Variants in OSBPL6 observed in about 807,000 individuals in gnomAD.
OSBPL6 encodes the protein oxysterol binding protein like 6.
In OSBPL6, 49 loss-of-function variants were observed where a neutral mutation model predicts 125.8. The ratio of observed to expected loss-of-function variants is 0.39; its 90% CI spans 0.31 to 0.49. The LOEUF (loss-of-function observed/expected upper bound fraction) is 0.49. Among genes scored for constraint, OSBPL6 ranks in the 20% least tolerant of loss-of-function variants. The pLI, the probability that OSBPL6 is intolerant of heterozygous loss-of-function variation, is 0.88. For missense variants in OSBPL6, 986 were observed against 1,135.4 expected, an observed-to-expected ratio of 0.87 and a Z score of 1.89; for synonymous variants, 394 against 391.8, an observed-to-expected ratio of 1.01 and a Z score of -0.07.
At chr2:178,354,125 C>A (rs953072595) in intron 12 of OSBPL6, among the ~76,000 whole-genome samples, 3 of 152,124 alleles carry the variant, frequency 2.0e-5, no homozygotes, top group Non-Finnish European at 1.5e-5. Context: ...CCAGCCACTG[C>A]GAAAACATGC....
chr2:178,386,408 A>G lies in OSBPL6; in HGVS notation c.2078-653A>G, dbSNP rs189095248. ...GTGCTGGGCCCTGGTCTATATCTTA[A>G]CAACCAGTATAAAAACATTCATTAA... On this transcript the variant is annotated intron_variant, in intron 19 of 24. Coordinates refer to ENST00000190611, the MANE Select transcript of OSBPL6 (RefSeq NM_032523.4). Among the ~76,000 whole-genome samples, 371 of 152,338 alleles carry G rather than the reference A, an allele frequency of 2.4e-3. 1 individual carries two copies. Among genetic ancestry groups the G allele is most frequent in the East Asian group, 4.4e-3 (23 of 5,186 alleles).
chr2:178,291,564 G>A lies in OSBPL6; in HGVS notation c.-156+6443G>A, dbSNP rs147127847. ...GTTTTGGAATGGTTTTCTCTTCTTT[G>A]GTTTGTCAAGTGACCAAGTGCATTG... On this transcript the variant is annotated intron_variant, in intron 2 of 24. Coordinates refer to ENST00000190611, the MANE Select transcript of OSBPL6 (RefSeq NM_032523.4). 7.9e-5 allele frequency among the ~76,000 whole-genome samples: 12 copies of A among 152,086 alleles called. No homozygotes were observed. In the East Asian group the frequency reaches 2.3e-3, roughly 29 times the overall value.
chr2:178,263,287 T>A (rs2092121068), intron 1 of OSBPL6, among the ~76,000 whole-genome samples: 1 of 152,204 alleles, frequency 6.6e-6, no homozygotes, highest in African/African-American at 2.4e-5. Context: ...AAGACTAGCC[T>A]GACGGACATG....
At chr2:178,330,128 GTGTTTCCC>G (rs1689070929) in intron 5 of OSBPL6, among the ~76,000 whole-genome samples, 4 of 152,034 alleles carry the variant, frequency 2.6e-5, no homozygotes, top group Non-Finnish European at 5.9e-5. Flanking sequence ...TTCATCCTTT[GTGTTTCCC>G]CAAATTGATG....
intron 15 of OSBPL6, among the ~76,000 whole-genome samples, chr2:178,377,809 C>T (rs1310594560): frequency 1.3e-5 from 2 of 152,118 alleles, no homozygotes; most frequent in East Asian, 1.9e-4. Context: ...CCATTTCTTC[C>T]TTTCCTCTGA....
intron 1 of OSBPL6, among the ~76,000 whole-genome samples, chr2:178,199,429 G>A (rs1251744412): frequency 6.6e-6 from 1 of 152,100 alleles, no homozygotes; most frequent in African/African-American, 2.4e-5. Context: ...GTGTTTTTCT[G>A]GGTCTTTCTA....
At chr2:178,227,822 C>T (rs2090625412) in intron 1 of OSBPL6, among the ~76,000 whole-genome samples, 1 of 152,054 alleles carries the variant, frequency 6.6e-6, no homozygotes, top group Non-Finnish European at 1.5e-5. Flanking sequence ...GTATGGGGTT[C>T]AAGATGGTTG....
intron 10 of OSBPL6, among the ~76,000 whole-genome samples, 178 bp downstream of exon 10, chr2:178,339,272 G>T (rs567718663): frequency 2.8e-5 from 4 of 145,166 alleles, no homozygotes; most frequent in Non-Finnish European, 6.0e-5. Flanking sequence ...GTGTTAAGAT[G>T]ATTATTTTAA....
chr2:178,245,207 T>C (rs1021084594), intron 1 of OSBPL6, among the ~76,000 whole-genome samples: 2 of 152,228 alleles, frequency 1.3e-5, no homozygotes, highest in African/African-American at 4.8e-5. Flanking sequence ...ACTAGATGCT[T>C]TCTCTAGACC....
intron 2 of OSBPL6, among the ~76,000 whole-genome samples, chr2:178,296,165 CAG>C (rs1685732130): frequency 6.6e-6 from 1 of 152,178 alleles, no homozygotes; most frequent in Admixed American, 6.5e-5. Flanking sequence ...GCACCACCCT[CAG>C]AGGTTTTGAT....
At chr2:178,245,793 A>T (rs987931557) in intron 1 of OSBPL6, among the ~76,000 whole-genome samples, 5 of 152,152 alleles carry the variant, frequency 3.3e-5, no homozygotes, top group Admixed American at 3.3e-4. Flanking sequence ...ATGACTTATG[A>T]CATGTTCAAG....
intron 2 of OSBPL6, among the ~76,000 whole-genome samples, chr2:178,302,817 C>T (rs1309465745): frequency 1.3e-5 from 2 of 152,136 alleles, no homozygotes; most frequent in African/African-American, 4.8e-5. Flanking sequence ...GAAAAAAGTA[C>T]AGTTTTTTAA....
intron 2 of OSBPL6, among the ~76,000 whole-genome samples, chr2:178,290,797 G>A (rs1685185877): frequency 6.6e-6 from 1 of 151,912 alleles, no homozygotes; most frequent in Non-Finnish European, 1.5e-5. Context: ...TCCATGGGTT[G>A]TCAGTGTTTC....
chr2:178,332,879 C>T lies in OSBPL6; in HGVS notation c.495C>T (p.Ser165=). The change falls in exon 8 of 25, where the codon TCC becomes TCT. Residue 165 remains serine, a synonymous_variant. Coordinates refer to ENST00000190611, the MANE Select transcript of OSBPL6 (RefSeq NM_032523.4). ...CTCGTTCATTGTTTTAGGTGAAATC[C>T]CAGGACTGGTTTGATGCATGGGTCT... ...EEHIYHLKVK[S]QDWFDAWVSK... is the part of the protein sequence containing the mutation. The T allele has an allele frequency of 1.2e-6, 2 of 1,611,532 alleles. No individual in the cohort carries two copies. Among genetic ancestry groups the T allele is most frequent in the Middle Eastern group, 3.3e-4 (2 of 6,052 alleles).
chr2:178,389,078 G>C lies in OSBPL6; in HGVS notation c.2226G>C (p.Trp742Cys). 6.2e-7 allele frequency: 1 copy of C among 1,613,988 alleles called. No homozygotes were observed. Among genetic ancestry groups the C allele is most frequent in the Non-Finnish European group, 8.5e-7 (1 of 1,179,932 alleles). The change falls in exon 21 of 25, where the codon TGG (tryptophan) becomes TGC (cysteine). Residue 742 changes from tryptophan (W) to cysteine (C), a missense_variant. Coordinates refer to ENST00000190611, the MANE Select transcript of OSBPL6 (RefSeq NM_032523.4). The part of the protein sequence containing the change: ...CIHNILSGRR[W>C]IEHYGEVTIR... ...ACAACATCCTCAGTGGGAGAAGATG[G>C]ATAGAACATTATGGAGAAGTAACCA...
intron 7 of OSBPL6, 54 bp from the exon 8 acceptor site, chr2:178,332,817 G>A (rs1689330927): frequency 6.2e-7 from 1 of 1,601,398 alleles, no homozygotes; most frequent in Non-Finnish European, 8.6e-7. Context: ...CTACACCAGT[G>A]GTAGGCAGGA....
chr2:178,361,595 G>T (rs941054763), intron 12 of OSBPL6, 87 bp from the exon 13 acceptor site: 2 of 1,505,626 alleles, frequency 1.3e-6, no homozygotes, highest in Non-Finnish European at 1.8e-6. Context: ...ATGCCTATTT[G>T]TGAGTGAAAG....
At chr2:178,317,437 C>CATATATATATAT (rs6147046) in intron 3 of OSBPL6, among the ~76,000 whole-genome samples, 115 of 106,932 alleles carry the variant, frequency 1.1e-3, no homozygotes, top group South Asian at 1.6e-3. Flanking sequence ...ACTTAGACAC[C>CATATATATATAT]ATATATATAT....
chr2:178,328,440 T>C, intron 5 of OSBPL6, 62 bp downstream of exon 5: 2 of 1,573,736 alleles, frequency 1.3e-6, no homozygotes, highest in Non-Finnish European at 8.6e-7. Context: ...TCTTATTTGC[T>C]ATCATGGGGT....
Sources: allele counts gnomAD v4.1 joint callset (sites outside exome capture counted in the v4.1 genomes callset), GRCh38; gene constraint gnomAD v4.1.1; transcripts MANE v1.5; gene names NCBI Gene and HGNC (gene_info 2026-07-23, HGNC 2026-07-21).